The following PRIM2 variants were observed in gnomAD, a reference collection of about 807,000 sequenced individuals.
PRIM2 encodes DNA primase large subunit.
A neutral mutation model predicts 67.3 loss-of-function variants in PRIM2; 39 were observed. That is an observed-to-expected ratio of 0.58 (90% CI 0.45 to 0.76). PRIM2 has a LOEUF of 0.76. Ranked by LOEUF, PRIM2 falls within the 30% of genes least tolerant of loss-of-function variation. The pLI is 0.00. For missense variants in PRIM2, 398 were observed against 598.7 expected (o/e 0.66, Z 3.50); for synonymous variants, 143 against 198.7 (o/e 0.72, Z 2.36).
intron 7 of PRIM2, among the ~76,000 whole-genome samples, chr6:57,443,861 T>A (rs1772279287): frequency 6.6e-6 from 1 of 152,170 alleles, no homozygotes; most frequent in African/African-American, 2.4e-5. Flanking sequence ...ATGTAGTTTT[T>A]CCCATATGTT....
intron 10 of PRIM2, among the ~76,000 whole-genome samples, chr6:57,554,086 C>T (rs1775459912): frequency 6.6e-6 from 1 of 151,836 alleles, no homozygotes; most frequent in Non-Finnish European, 1.5e-5. Context: ...TTGATTGTGC[C>T]TTGAGGCCTC....
At chr6:57,489,927 GT>G (rs1157953922) in intron 7 of PRIM2, among the ~76,000 whole-genome samples, 4,203 of 127,580 alleles carry the variant, frequency 0.033, 76 homozygotes, top group African/African-American at 0.065. Flanking sequence ...TGTTTTAAGT[GT>G]TTTTTTTTTT....
the PRIM2 span, among the ~76,000 whole-genome samples, chr6:57,286,174 C>T: frequency 6.6e-6 from 1 of 152,098 alleles, no homozygotes; most frequent in Admixed American, 6.6e-5. Context: ...TGAAAATGGC[C>T]ATACTTCCCA....
intron 7 of PRIM2, among the ~76,000 whole-genome samples, chr6:57,488,895 A>G (rs1375608715): frequency 6.6e-6 from 1 of 152,210 alleles, no homozygotes; most frequent in Non-Finnish European, 1.5e-5. Flanking sequence ...CTTGCCAGAT[A>G]TAGCAGTGAG....
At chr6:57,486,900 A>G (rs1386918961) in intron 7 of PRIM2, among the ~76,000 whole-genome samples, 1 of 152,190 alleles carries the variant, frequency 6.6e-6, no homozygotes, top group Admixed American at 6.5e-5. Flanking sequence ...TTCCCCTTAC[A>G]TAGAGTGTAC....
chr6:57,319,535 C>A (rs1767582266), intron 2 of PRIM2, among the ~76,000 whole-genome samples: 1 of 152,192 alleles, frequency 6.6e-6, no homozygotes, highest in South Asian at 2.1e-4. Flanking sequence ...GTCAATACTT[C>A]ATAGGGATTA....
chr6:57,584,841 A>G (rs1776159988), intron 10 of PRIM2, among the ~76,000 whole-genome samples: 1 of 152,228 alleles, frequency 6.6e-6, no homozygotes, highest in Non-Finnish European at 1.5e-5. Flanking sequence ...CTTACAGTTT[A>G]GTCTACAAAG....
At chr6:57,469,632 T>C (rs1321289298) in intron 7 of PRIM2, among the ~76,000 whole-genome samples, 3 of 152,194 alleles carry the variant, frequency 2.0e-5, no homozygotes, top group Admixed American at 6.5e-5. Context: ...TGATTCAGAA[T>C]AAGCAATGAG....
At chr6:57,483,872 C>A (rs1241756703) in intron 7 of PRIM2, among the ~76,000 whole-genome samples, 1 of 152,272 alleles carries the variant, frequency 6.6e-6, no homozygotes, top group African/African-American at 2.4e-5. Context: ...GGTTACATAA[C>A]TTGCAATGAA....
intron 7 of PRIM2, among the ~76,000 whole-genome samples, chr6:57,453,993 T>A (rs1418795803): frequency 6.6e-6 from 1 of 152,224 alleles, no homozygotes; most frequent in African/African-American, 2.4e-5. Flanking sequence ...GTTTTTAGCA[T>A]GAAGGGTTGT....
At chr6:57,352,587 C>A (rs1465075531) in intron 5 of PRIM2, among the ~76,000 whole-genome samples, 1 of 152,130 alleles carries the variant, frequency 6.6e-6, no homozygotes, top group Non-Finnish European at 1.5e-5. Context: ...TAGACTTTAC[C>A]CTTGGTTGAA....
intron 5 of PRIM2, among the ~76,000 whole-genome samples, chr6:57,362,130 C>G (rs1023761215): frequency 3.9e-5 from 6 of 152,168 alleles, no homozygotes; most frequent in African/African-American, 1.4e-4. Flanking sequence ...AGCCATAGAG[C>G]TGACTTCTAA....
the PRIM2 span, among the ~76,000 whole-genome samples, chr6:57,240,902 A>G: frequency 1.3e-5 from 2 of 152,058 alleles, no homozygotes; most frequent in Non-Finnish European, 2.9e-5. Flanking sequence ...CAGCTTGGGC[A>G]ACACAGCAAG....
chr6:57,353,402 A>C (rs1426403483), intron 5 of PRIM2, among the ~76,000 whole-genome samples: 2 of 152,212 alleles, frequency 1.3e-5, no homozygotes, highest in Non-Finnish European at 2.9e-5. Context: ...TTTAGAAAGG[A>C]TAACTTACTT....
chr6:57,252,677 G>A, the PRIM2 span, among the ~76,000 whole-genome samples: 1 of 152,198 alleles, frequency 6.6e-6, no homozygotes, highest in African/African-American at 2.4e-5. Flanking sequence ...CTGACCTCAG[G>A]TGGGCTGCCT....
At chr6:57,565,046 C>T (rs1232472008) in intron 10 of PRIM2, among the ~76,000 whole-genome samples, 26 of 152,170 alleles carry the variant, frequency 1.7e-4, no homozygotes, top group Non-Finnish European at 3.4e-4. Flanking sequence ...TTCTTTATTC[C>T]TTTTTCAAAC....
the PRIM2 span, among the ~76,000 whole-genome samples, chr6:57,303,966 A>G: frequency 6.6e-6 from 1 of 152,078 alleles, no homozygotes; most frequent in African/African-American, 2.4e-5. Flanking sequence ...TGGGGGAAAA[A>G]CATCCAAATT....
intron 10 of PRIM2, among the ~76,000 whole-genome samples, chr6:57,567,644 G>A (rs1371357513): frequency 2.0e-5 from 3 of 152,090 alleles, no homozygotes; most frequent in East Asian, 1.9e-4. Flanking sequence ...CATAAAATAC[G>A]TGATTGTGTA....
the PRIM2 span, among the ~76,000 whole-genome samples, chr6:57,237,406 G>A: frequency 6.6e-6 from 1 of 152,128 alleles, no homozygotes; most frequent in Non-Finnish European, 1.5e-5. Flanking sequence ...CTGTGCAGAA[G>A]CTCTTTAGTT....
Sources: gnomAD v4.1 joint callset for allele counts (sites outside exome capture counted in the v4.1 genomes callset) on GRCh38, gnomAD v4.1.1 for gene constraint, MANE v1.5 for transcripts, NCBI Gene and HGNC (gene_info 2026-07-23, HGNC 2026-07-21) for gene names.